The following DAB1 variants were observed in gnomAD, a reference collection of about 807,000 sequenced individuals.
DAB1 encodes DAB adaptor protein 1.
A neutral mutation model predicts 64.6 loss-of-function variants in DAB1; 15 were observed. That is an observed-to-expected ratio of 0.23 (90% CI 0.16 to 0.36). The LOEUF is 0.36. Ranked by LOEUF, DAB1 falls within the 10% of genes least tolerant of loss-of-function variation. DAB1 has a pLI of 1.00. For missense variants in DAB1, 596 were observed against 706.7 expected (o/e 0.84, Z 1.78); for synonymous variants, 235 against 251.9 (o/e 0.93, Z 0.64).
chr1:57,260,104 C>T (rs1318548427), intron 2 of DAB1, among the ~76,000 whole-genome samples: 4 of 152,106 alleles, frequency 2.6e-5, no homozygotes, highest in East Asian at 3.9e-4. Flanking sequence ...CAGCCTGCCC[C>T]GCTAGTGTAG....
intron 3 of DAB1, among the ~76,000 whole-genome samples, chr1:58,380,522 T>C (rs1222582621): frequency 1.3e-5 from 2 of 152,226 alleles, no homozygotes; most frequent in Admixed American, 6.5e-5. Context: ...AGAAAGAAAT[T>C]AACATCTATT....
intron 5 of DAB1, among the ~76,000 whole-genome samples, chr1:58,091,637 T>TCAG (rs1650662840): frequency 6.6e-6 from 1 of 152,028 alleles, no homozygotes; most frequent in African/African-American, 2.4e-5. Context: ...ACAGGCCAAC[T>TCAG]CTCCCTTCCA....
In DAB1 at chr1:57,555,490, C is replaced by T. The variant is rs182190732; in HGVS notation, n.625+94102G>A. 1.5e-3 allele frequency among the ~76,000 whole-genome samples: 225 copies of T among 150,860 alleles called. 1 individual carries two copies. Among genetic ancestry groups the T allele is most frequent in the African/African-American group, 4.2e-3 (173 of 41,046 alleles). ...ACAAACAAAAAAGTATACGAAATCA[C>T]GTCTGAATAAGTCTATGGAGTTTAC... On this transcript the variant is annotated intron_variant and non_coding_transcript_variant, in intron 7 of 20. Coordinates refer to the DAB1 transcript ENST00000485760.
intron 7 of DAB1, among the ~76,000 whole-genome samples, chr1:57,590,729 G>A (rs931845068): frequency 1.6e-5 from 2 of 123,698 alleles, no homozygotes; most frequent in African/African-American, 3.1e-5. Flanking sequence ...ACACATTGTA[G>A]TCCGTAACAC....
chr1:57,653,714 G>A (rs1367393014), intron 6 of DAB1, among the ~76,000 whole-genome samples: 2 of 152,152 alleles, frequency 1.3e-5, no homozygotes, highest in Non-Finnish European at 2.9e-5. Flanking sequence ...CCCAGCTCAA[G>A]CAACTCTCCT....
chr1:58,392,274 C>A (rs1254215661), intron 3 of DAB1, among the ~76,000 whole-genome samples: 1 of 152,206 alleles, frequency 6.6e-6, no homozygotes. Flanking sequence ...CCTCTCACCA[C>A]GTTTAACCAC....
At chr1:57,909,315 C>T (rs1379158783) in intron 5 of DAB1, among the ~76,000 whole-genome samples, 1 of 152,188 alleles carries the variant, frequency 6.6e-6, no homozygotes, top group Admixed American at 6.5e-5. Context: ...CCATTCCCAA[C>T]TGATCATGCC....
intron 5 of DAB1, among the ~76,000 whole-genome samples, chr1:57,952,550 G>T (rs2100242502): frequency 6.6e-6 from 1 of 152,274 alleles, no homozygotes; most frequent in South Asian, 2.1e-4. Flanking sequence ...GGAAAAAAGG[G>T]AGGGTATTTG....
intron 4 of DAB1, among the ~76,000 whole-genome samples, chr1:57,111,111 C>T (rs555521625): frequency 7.3e-5 from 11 of 151,688 alleles, no homozygotes; most frequent in Non-Finnish European, 1.6e-4. Context: ...GGAGAGGAGC[C>T]GTTTGAGCCA....
At chr1:58,215,646 C>T (rs1235432254) in intron 4 of DAB1, among the ~76,000 whole-genome samples, 1 of 152,134 alleles carries the variant, frequency 6.6e-6, no homozygotes, top group Non-Finnish European at 1.5e-5. Context: ...TCTGCCATCT[C>T]TATCTGGCCT....
intron 3 of DAB1, among the ~76,000 whole-genome samples, chr1:58,429,112 A>G (rs978172918): frequency 1.1e-4 from 17 of 152,232 alleles, no homozygotes; most frequent in Non-Finnish European, 2.2e-4. Context: ...CACAATTACT[A>G]TGTGCAAGGG....
chr1:57,970,990 T>C (rs1402339422), intron 5 of DAB1, among the ~76,000 whole-genome samples: 1 of 152,178 alleles, frequency 6.6e-6, no homozygotes, highest in Non-Finnish European at 1.5e-5. Context: ...CCATTTATTG[T>C]AGTGGTTTCA....
At chr1:57,703,808 G>T (rs1646934939) in intron 6 of DAB1, among the ~76,000 whole-genome samples, 1 of 152,096 alleles carries the variant, frequency 6.6e-6, no homozygotes, top group African/African-American at 2.4e-5. Flanking sequence ...ATAATAGACT[G>T]GATAAAGAAA....
intron 1 of DAB1, among the ~76,000 whole-genome samples, chr1:57,877,545 A>ATTTTTTT (rs58070219): frequency 3.1e-5 from 2 of 65,044 alleles, no homozygotes; most frequent in Non-Finnish European, 5.5e-5. Flanking sequence ...TAATTGATTT[A>ATTTTTTT]TTTTTTTTTT....
At chr1:58,029,880 T>C (rs1646946337) in intron 5 of DAB1, among the ~76,000 whole-genome samples, 1 of 151,986 alleles carries the variant, frequency 6.6e-6, no homozygotes, top group Admixed American at 6.6e-5. Flanking sequence ...GTAATCTTAG[T>C]AAAAAAATAA....
chr1:57,728,732 C>G (rs902202581), intron 6 of DAB1, among the ~76,000 whole-genome samples: 7 of 152,134 alleles, frequency 4.6e-5, no homozygotes, highest in Admixed American at 1.3e-4. Context: ...TGTGGGAAAA[C>G]TATTTTCAAA....
chr1:57,908,591 C>T lies in DAB1; in HGVS notation n.388-24429G>A, dbSNP rs1225160861. ...CAGGCACAATCCTGCCTACCATATTCCAAGCGCAGTCAGAGTCCTCAGGAA... is the reference window on the plus strand; with the variant it reads ...CAGGCACAATCCTGCCTACCATATTTCAAGCGCAGTCAGAGTCCTCAGGAA... On this transcript the variant is annotated intron_variant and non_coding_transcript_variant, in intron 5 of 20. Transcript: ENST00000485760. 4.7e-5 allele frequency among the ~76,000 whole-genome samples: 7 copies of T among 147,490 alleles called. No individual in the cohort carries two copies. The South Asian group carries it at 1.5e-3, about 31-fold the overall frequency.
intron 1 of DAB1, among the ~76,000 whole-genome samples, chr1:57,863,548 A>G (rs1654162465): frequency 6.6e-6 from 1 of 152,152 alleles, no homozygotes; most frequent in Admixed American, 6.6e-5. Context: ...AGGCTTTGAC[A>G]ACTTGGGTGG....
intron 3 of DAB1, among the ~76,000 whole-genome samples, chr1:58,360,969 T>A (rs1644158806): frequency 6.6e-6 from 1 of 152,214 alleles, no homozygotes; most frequent in African/African-American, 2.4e-5. Flanking sequence ...GTGAGCGTTT[T>A]CCCCATGTCA....
Sources: gnomAD v4.1 joint callset for allele counts (sites outside exome capture counted in the v4.1 genomes callset) on GRCh38, gnomAD v4.1.1 for gene constraint, MANE v1.5 for transcripts, NCBI Gene and HGNC (gene_info 2026-07-23, HGNC 2026-07-21) for gene names.